The following TIAM1 variants were observed in gnomAD, a reference collection of about 807,000 sequenced individuals.
The protein encoded by TIAM1 is TIAM Rac1 associated GEF 1.
A neutral mutation model predicts 163.5 loss-of-function variants in TIAM1; 65 were observed. The observed-to-expected ratio is 0.40, with a 90% CI of 0.33 to 0.49. The LOEUF is 0.49. Ranked by LOEUF, TIAM1 falls within the 20% of genes least tolerant of loss-of-function variation. TIAM1 has a pLI of 0.77. For synonymous variants in TIAM1, 833 were observed against 810.1 expected (o/e 1.03, Z -0.48); for missense variants, 1,789 against 2,044.7 (o/e 0.87, Z 2.41).
intron 2 of TIAM1, among the ~76,000 whole-genome samples, chr21:31,430,239 T>A (rs1285368793): frequency 2.3e-4 from 31 of 132,742 alleles, no homozygotes; most frequent in African/African-American, 8.3e-4. Flanking sequence ...TATATATATA[T>A]ATATATATAC....
intron 5 of TIAM1, among the ~76,000 whole-genome samples, chr21:31,248,990 T>G (rs1381674251): frequency 2.6e-5 from 4 of 152,206 alleles, no homozygotes; most frequent in Non-Finnish European, 4.4e-5. Context: ...ACTAATCATT[T>G]TTATTTTATG....
intron 8 of TIAM1, 102 bp downstream of exon 8, chr21:31,223,304 C>G: frequency 7.6e-7 from 1 of 1,310,670 alleles, no homozygotes; most frequent in Admixed American, 2.4e-5. Context: ...AATCCATACA[C>G]AGCAGGAAGC....
At chr21:31,275,108 C>A (rs2146851945) in intron 3 of TIAM1, among the ~76,000 whole-genome samples, 1 of 143,022 alleles carries the variant, frequency 7.0e-6, no homozygotes, top group East Asian at 2.1e-4. Flanking sequence ...GGTGACAGAG[C>A]AAAATGCTGT....
At position 31,134,032 on chromosome 21, in the gene TIAM1, C is replaced by T. The variant is rs1475616881; in HGVS notation, c.3883+1901G>A. On this transcript the variant is annotated intron_variant, in intron 23 of 27. Coordinates refer to ENST00000541036, the MANE Select transcript of TIAM1 (RefSeq NM_001353694.2). ...GCAGTGAGCCGAGAACGCACCATTG[C>T]ACTCCAGCCTGGCAACACAGCGAGA... 2.6e-5 allele frequency among the ~76,000 whole-genome samples: 4 copies of T among 152,102 alleles called. No homozygotes were observed. In the East Asian group the frequency reaches 7.7e-4, roughly 29 times the overall value.
Position 31,549,713 on chromosome 21 carries a change from G to C in TIAM1, c.-422+9214C>G, listed in dbSNP as rs75872331. ...AAATTGGACTCTTTATGCACTGCTG[G>C]TGGGATGTAAAATGGTGCACCCACT... On this transcript the variant is annotated intron_variant, in intron 1 of 28. Coordinates refer to the TIAM1 transcript ENST00000286827. Among the ~76,000 whole-genome samples the C allele has an allele frequency of 3.0e-3, 458 of 152,344 alleles. 1 individual carries two copies. Among genetic ancestry groups the C allele is most frequent in the African/African-American group, 0.01 (435 of 41,570 alleles).
At chr21:31,473,322 C>G (rs896165554) in intron 1 of TIAM1, among the ~76,000 whole-genome samples, 1 of 150,580 alleles carries the variant, frequency 6.6e-6, no homozygotes, top group African/African-American at 2.4e-5. Context: ...CCCAGCTACT[C>G]GGGAGGCTGA....
intron 1 of TIAM1, among the ~76,000 whole-genome samples, chr21:31,525,237 C>T (rs969215126): frequency 8.6e-5 from 13 of 151,916 alleles, no homozygotes; most frequent in South Asian, 6.3e-4. Context: ...GGCATGGTGG[C>T]GCACACCTGT....
chr21:31,508,600 G>C (rs545376283), intron 1 of TIAM1, among the ~76,000 whole-genome samples: 1 of 152,178 alleles, frequency 6.6e-6, no homozygotes, highest in East Asian at 1.9e-4. Context: ...CATGTTGCCA[G>C]GCTGGTCTCA....
At chr21:31,152,422 C>T (rs769468745) in intron 19 of TIAM1, among the ~76,000 whole-genome samples, 2 of 152,176 alleles carry the variant, frequency 1.3e-5, no homozygotes, top group Non-Finnish European at 2.9e-5. Context: ...CTTCTTCTCA[C>T]GTAAAAGCCA....
chr21:31,251,869 G>T lies in TIAM1; in HGVS notation c.1284C>A (p.Thr428=). The T allele has an allele frequency of 6.2e-7, 1 of 1,613,880 alleles. No individual in the cohort carries two copies. The highest frequency in any genetic ancestry group is 8.5e-7 in the Non-Finnish European group (1 of 1,179,942). ...SSPGQSDILL[T]AAQGTVRKAG... The stretch of plus-strand genomic sequence containing the variant: ...CCTTGCGCACCGTGCCCTGTGCGGC[G>T]GTCAGCAGGATGTCCGACTGGCCCG... The change falls in exon 5 of 28, where the codon ACC becomes ACA. Residue 428 remains threonine (T), a synonymous_variant. Coordinates refer to ENST00000541036, the MANE Select transcript of TIAM1 (RefSeq NM_001353694.2).
At chr21:31,384,408 A>AAG (rs2076831489) in intron 2 of TIAM1, among the ~76,000 whole-genome samples, 1 of 151,334 alleles carries the variant, frequency 6.6e-6, no homozygotes, top group South Asian at 2.1e-4. Context: ...CTACAAAAAA[A>AAG]AAAAAAAAAA....
At position 31,303,983 on chromosome 21, in the gene TIAM1, A is replaced by G. The variant is rs190367830; in HGVS notation, c.-188-27075T>C. Among the ~76,000 whole-genome samples, 7 of 152,288 alleles carry G rather than the reference A, an allele frequency of 4.6e-5. No homozygotes were observed. The East Asian group carries it at 1.4e-3, about 29-fold the overall frequency. On this transcript the variant is annotated intron_variant, in intron 2 of 27. Coordinates refer to ENST00000541036, the MANE Select transcript of TIAM1 (RefSeq NM_001353694.2). ...ACAGAGTGAGACGCCATCTCAAAAA[A>G]AAGAAAAGAAAAGAGAAAGAAAAAG...
At chr21:31,440,864 A>G (rs544305850) in intron 2 of TIAM1, among the ~76,000 whole-genome samples, 1 of 152,288 alleles carries the variant, frequency 6.6e-6, no homozygotes, top group South Asian at 2.1e-4. Context: ...CTGGCAACAG[A>G]GTGAGACTGT....
chr21:31,499,175 C>G (rs997003376), intron 1 of TIAM1, among the ~76,000 whole-genome samples: 1 of 152,126 alleles, frequency 6.6e-6, no homozygotes, highest in African/African-American at 2.4e-5. Flanking sequence ...TGGAGGGAGA[C>G]AAACACCAAT....
chr21:31,427,773 G>A (rs974069112), intron 2 of TIAM1, among the ~76,000 whole-genome samples: 2 of 152,124 alleles, frequency 1.3e-5, no homozygotes, highest in Non-Finnish European at 2.9e-5. Flanking sequence ...GATTGAGGCT[G>A]CAGTGAGCTG....
At chr21:31,138,270 G>T (rs1248597378) in intron 22 of TIAM1, among the ~76,000 whole-genome samples, 3 of 152,194 alleles carry the variant, frequency 2.0e-5, no homozygotes, top group African/African-American at 7.2e-5. Context: ...GTAGGAGGTT[G>T]AAGGCCCAGT....
intron 2 of TIAM1, among the ~76,000 whole-genome samples, chr21:31,377,025 A>G (rs1602131032): frequency 9.4e-6 from 1 of 106,764 alleles, no homozygotes; most frequent in Admixed American, 1.0e-4. Context: ...TGCCTGGCTC[A>G]TTTTTGTCTT....
chr21:31,324,004 T>C (rs984074958), intron 2 of TIAM1, among the ~76,000 whole-genome samples: 2 of 141,964 alleles, frequency 1.4e-5, no homozygotes, highest in African/African-American at 2.7e-5. Flanking sequence ...CAAGACCCTG[T>C]CTCAAAAAAA....
intron 16 of TIAM1, among the ~76,000 whole-genome samples, chr21:31,157,675 C>A (rs139098281): frequency 4.0e-5 from 6 of 151,896 alleles, no homozygotes; most frequent in African/African-American, 9.7e-5. Context: ...ATCCCATGTG[C>A]GCGTTTTTGG....
Sources: gnomAD v4.1 joint callset for allele counts (sites outside exome capture counted in the v4.1 genomes callset) on GRCh38, gnomAD v4.1.1 for gene constraint, MANE v1.5 for transcripts, NCBI Gene and HGNC (gene_info 2026-07-23, HGNC 2026-07-21) for gene names.